The following MYO1D variants were observed in gnomAD, a reference collection of about 807,000 sequenced individuals.
The protein encoded by MYO1D is myosin ID, also known as unconventional myosin-Id.
A neutral mutation model predicts 122.0 loss-of-function variants in MYO1D; 83 were observed. The ratio of observed to expected loss-of-function variants is 0.68; its 90% CI spans 0.57 to 0.82. The LOEUF is 0.82. Among genes scored for constraint, MYO1D ranks in the 40% least tolerant of loss-of-function variants. The pLI, the probability that MYO1D is intolerant of heterozygous loss-of-function variation, is 0.00. For missense variants in MYO1D, 1,157 were observed against 1,269.5 expected (o/e 0.91, Z 1.35); for synonymous variants, 464 against 446.9 (o/e 1.04, Z -0.48).
chr17:32,586,487 T>C (rs984727491), intron 21 of MYO1D, among the ~76,000 whole-genome samples: 1 of 152,238 alleles, frequency 6.6e-6, no homozygotes, highest in Admixed American at 6.5e-5. Context: ...TCAAGATACT[T>C]TGAATCCTAA....
chr17:32,818,116 A>G, intron 1 of MYO1D, among the ~76,000 whole-genome samples: 1 of 120,850 alleles, frequency 8.3e-6, no homozygotes, highest in South Asian at 3.0e-4. Flanking sequence ...ACAGAGCGAG[A>G]CTCCGTCTCA....
intron 1 of MYO1D, among the ~76,000 whole-genome samples, chr17:32,820,679 T>G (rs1158782847): frequency 6.6e-6 from 1 of 152,160 alleles, no homozygotes; most frequent in Non-Finnish European, 1.5e-5. Flanking sequence ...CATGGAGAGA[T>G]ATTGGTCAAA....
Position 32,493,477 on chromosome 17 carries a change from AC to A in MYO1D, c.*1281del, listed in dbSNP as rs1908963986. 1 of 152,422 alleles carries A rather than the reference AC, an allele frequency of 6.6e-6. No homozygotes were observed. The highest frequency in any genetic ancestry group is 6.5e-5 in the Admixed American group (1 of 15,292). 9.4% of individuals were successfully genotyped at this position (152,422 alleles called of 1,614,324 possible). A position where few individuals can be genotyped will look rare whatever the true frequency, so the allele number is the denominator to read the frequency against. ...CCTCTCTTGCACCTCTGCCCACTCC[AC>A]CTGAGGCGTTGGCTCCCTCCCCCTC... On this transcript the variant is annotated 3_prime_UTR_variant, in exon 22 of 22. Transcript: ENST00000318217.
intron 20 of MYO1D, 49 bp downstream of exon 20, chr17:32,638,673 G>A (rs765875870): frequency 7.5e-7 from 1 of 1,328,566 alleles, no homozygotes; most frequent in South Asian, 1.2e-5. Flanking sequence ...AGTGGTCCAT[G>A]AGCACCAGGT....
chr17:32,876,912 C>T lies in MYO1D; in HGVS notation c.-40G>A. 1 of 1,347,390 alleles carries T rather than the reference C, an allele frequency of 7.4e-7. No individual in the cohort carries two copies. Among genetic ancestry groups the T allele is most frequent in the Non-Finnish European group, 9.9e-7 (1 of 1,011,884 alleles). 83.5% of individuals were successfully genotyped at this position (1,347,390 alleles called of 1,614,324 possible). A position where few individuals can be genotyped will look rare whatever the true frequency, so the allele number is the denominator to read the frequency against. The stretch of plus-strand genomic sequence containing the variant: ...GGCTCAGGTGGGCGCGCTCGGGCCT[C>T]CGGGGCCGCTCCGTGGGCCCGCGAT... On this transcript the variant is annotated 5_prime_UTR_variant, in exon 1 of 22. Transcript: ENST00000318217.
Position 32,638,808 on chromosome 17 carries a change from T to C in MYO1D, c.2623A>G (p.Arg875Gly). 1 of 1,613,726 alleles carries C rather than the reference T, an allele frequency of 6.2e-7. No homozygotes were observed. Among genetic ancestry groups the C allele is most frequent in the Non-Finnish European group, 8.5e-7 (1 of 1,179,718 alleles). Residue 875 changes from arginine (R) to glycine (G), a missense_variant, in exon 20 of 22, where the codon AGA (arginine) becomes GGA (glycine). Arg to Gly is a moderately radical substitution (Grantham distance 125). Coordinates refer to ENST00000318217, the MANE Select transcript of MYO1D (RefSeq NM_015194.3). ...TGACGGTCAGTGACAAAAATTGCTC[T>C]GTCTTCCACCTTACTAAATCGATTT... ...KVNRFSKVED[R>G]AIFVTDRHLY...
In MYO1D at chr17:32,641,839, T is replaced by A. The variant is rs867089296; in HGVS notation, c.2596-3004A>T. 5.0e-4 allele frequency among the ~76,000 whole-genome samples: 76 copies of A among 152,314 alleles called. 1 individual carries two copies. The highest frequency in any genetic ancestry group is 3.4e-3 in the Middle Eastern group (1 of 294). On this transcript the variant is annotated intron_variant, in intron 19 of 21. Transcript: ENST00000318217. ...GTAGATTCTGGATATTAGCCCTTTG[T>A]CAGATGAGTAGATTGCAAAAATTTT...
rs1037834563 is a variant in MYO1D, at chr17:32,494,568, C to T, written c.*191G>A. 7 of 712,650 alleles carry T rather than the reference C, an allele frequency of 9.8e-6. No individual in the cohort carries two copies. The highest frequency in any genetic ancestry group is 9.0e-6 in the Non-Finnish European group (4 of 443,146). The allele number at this position is 712,650 out of a possible 1,614,324, so 44.1% of individuals were successfully genotyped here. On this transcript the variant is annotated 3_prime_UTR_variant, in exon 22 of 22. Transcript: ENST00000318217. ...GGTCTTTGGCTTATTGAACAGGGAC[C>T]GTGGACAGTAAGGACAGAGGAAGAT... is the stretch of plus-strand genomic sequence containing the variant.
intron 19 of MYO1D, among the ~76,000 whole-genome samples, chr17:32,645,984 T>G: frequency 6.6e-6 from 1 of 152,132 alleles, no homozygotes; most frequent in East Asian, 1.9e-4. Context: ...GTGCTCTGAT[T>G]TTTAGAATTT....
intron 20 of MYO1D, among the ~76,000 whole-genome samples, chr17:32,607,475 A>G (rs2087642960): frequency 6.6e-6 from 1 of 152,192 alleles, no homozygotes; most frequent in Non-Finnish European, 1.5e-5. Flanking sequence ...CAAAATGTTG[A>G]ACAAGTTAAA....
At chr17:32,671,316 C>T (rs2088717996) in intron 16 of MYO1D, among the ~76,000 whole-genome samples, 1 of 152,180 alleles carries the variant, frequency 6.6e-6, no homozygotes, top group Non-Finnish European at 1.5e-5. Context: ...CCACGTGCTC[C>T]CTCCTGCCAG....
intron 16 of MYO1D, among the ~76,000 whole-genome samples, chr17:32,660,637 C>T (rs891005430): frequency 2.6e-5 from 4 of 152,168 alleles, no homozygotes; most frequent in African/African-American, 7.2e-5. Context: ...TTAAGGGAAA[C>T]ATGACACATG....
intron 21 of MYO1D, among the ~76,000 whole-genome samples, chr17:32,532,745 C>G (rs1309856834): frequency 7.1e-6 from 1 of 141,428 alleles, no homozygotes; most frequent in Non-Finnish European, 1.5e-5. Flanking sequence ...AAAAAAAAAC[C>G]AAACGAGTGC....
chr17:32,770,283 C>A (rs73281872), intron 6 of MYO1D, among the ~76,000 whole-genome samples: 2,928 of 152,138 alleles, frequency 0.019, 76 homozygotes, highest in African/African-American at 0.066. Context: ...TATCTTAGAT[C>A]TTTTTCCTTT....
At chr17:32,519,906 A>ATTTTTTT (rs1201382792) in intron 21 of MYO1D, among the ~76,000 whole-genome samples, 13 of 142,532 alleles carry the variant, frequency 9.1e-5, no homozygotes, top group South Asian at 4.3e-4. Context: ...TTTTTTAAAA[A>ATTTTTTT]AAAAAACCAG....
chr17:32,764,832 C>G (rs1323062181), intron 8 of MYO1D, 46 bp downstream of exon 8: 1 of 1,589,856 alleles, frequency 6.3e-7, no homozygotes, highest in Non-Finnish European at 8.6e-7. Flanking sequence ...ACTCAATTTG[C>G]AACTGCGATC....
intron 14 of MYO1D, among the ~76,000 whole-genome samples, chr17:32,723,678 CG>C (rs2089538455): frequency 6.6e-6 from 1 of 151,934 alleles, no homozygotes; most frequent in Non-Finnish European, 1.5e-5. Flanking sequence ...TGAAGAAGCC[CG>C]GGATTAAAGA....
At chr17:32,808,024 T>C (rs1455817138) in intron 1 of MYO1D, among the ~76,000 whole-genome samples, 1 of 152,208 alleles carries the variant, frequency 6.6e-6, no homozygotes, top group East Asian at 1.9e-4. Context: ...AATGTTATCA[T>C]TAACATCACC....
chr17:32,726,189 T>C (rs914778541), intron 14 of MYO1D, among the ~76,000 whole-genome samples: 1 of 151,996 alleles, frequency 6.6e-6, no homozygotes, highest in African/African-American at 2.4e-5. Flanking sequence ...GAGGCCAAGG[T>C]GGGCAGATAA....
Sources: allele counts gnomAD v4.1 joint callset (sites outside exome capture counted in the v4.1 genomes callset), GRCh38; gene constraint gnomAD v4.1.1; transcripts MANE v1.5; gene names NCBI Gene and HGNC (gene_info 2026-07-23, HGNC 2026-07-21).